KPNB1: variants seen among roughly 807,000 people sequenced by gnomAD.
The protein encoded by KPNB1 is importin subunit beta-1.
In KPNB1, 7 loss-of-function variants were observed where a neutral mutation model predicts 113.0. The observed-to-expected ratio is 0.06, with a 90% CI of 0.04 to 0.12. KPNB1 has a LOEUF of 0.12. Among genes scored for constraint, KPNB1 ranks in the 10% least tolerant of loss-of-function variants. The pLI is 1.00. For missense variants in KPNB1, 400 were observed against 1,054.8 expected (o/e 0.38, Z 8.60); for synonymous variants, 363 against 378.6 (o/e 0.96, Z 0.48).
rs1207695889 is a variant in KPNB1, at chr17:47,683,699, T to TCA, written c.*1296_*1297dup. ...TGCGGTATTGGTCTCTTGCTGCACT[T>TCA]CAAAAGCAACCAACAAAACAAAAAC... On this transcript the variant is annotated 3_prime_UTR_variant, in exon 22 of 22. Coordinates refer to ENST00000290158, the MANE Select transcript of KPNB1 (RefSeq NM_002265.6). The TCA allele has an allele frequency of 7.2e-6, 1 of 139,848 alleles. No homozygotes were observed. Among genetic ancestry groups the TCA allele is most frequent in the Non-Finnish European group, 1.5e-5 (1 of 65,414 alleles). The allele number at this position is 139,848 out of a possible 1,614,324, so 8.7% of individuals were successfully genotyped here. A position where few individuals can be genotyped will look rare whatever the true frequency, so the allele number is the denominator to read the frequency against.
chr17:47,667,660 C>G (rs904614976), intron 9 of KPNB1, among the ~76,000 whole-genome samples: 1 of 151,136 alleles, frequency 6.6e-6, no homozygotes, highest in Non-Finnish European at 1.5e-5. Context: ...CAGGTTCAAG[C>G]AATTCTCCTG....
At chr17:47,674,486 G>T in intron 14 of KPNB1, 152 bp from the exon 15 acceptor site, 1 of 680,182 alleles carries the variant, frequency 1.5e-6, no homozygotes, top group Non-Finnish European at 2.5e-6. Context: ...GCTGATGATT[G>T]GTACTGTCAA....
In KPNB1 at chr17:47,650,169, C is replaced by T. The variant is rs1915489400; in HGVS notation, c.-76C>T. 2 of 1,465,844 alleles carry T rather than the reference C, an allele frequency of 1.4e-6. No homozygotes were observed. The highest frequency in any genetic ancestry group is 1.5e-5 in the African/African-American group (1 of 66,974). The allele number at this position is 1,465,844 out of a possible 1,614,324, so 90.8% of individuals were successfully genotyped here. On this transcript the variant is annotated 5_prime_UTR_variant, in exon 1 of 22. Coordinates refer to ENST00000290158, the MANE Select transcript of KPNB1 (RefSeq NM_002265.6). ...CCCTTCCCACCCGACCCCCAACCCC[C>T]ATCCCCAGTTCGAGCCGCCGCCCGA...
In KPNB1 at chr17:47,650,138, CACCCTCCCTTCCCACCCG is replaced by C. The variant is rs1299649312; in HGVS notation, c.-102_-85del. On this transcript the variant is annotated 5_prime_UTR_variant, in exon 1 of 22. Transcript: ENST00000290158. ...TTGTGGTGACCCCCGCCCCCCACCCCACCCTCCCTTCCCACCCGACCCCCAACCCCCATCCCCAGTTCG... is the reference window on the plus strand; with the variant it reads ...TTGTGGTGACCCCCGCCCCCCACCCCACCCCCAACCCCCATCCCCAGTTCG... 1.3e-6 allele frequency: 1 copy of C among 754,712 alleles called. No homozygotes were observed. The highest frequency in any genetic ancestry group is 2.0e-5 in the African/African-American group (1 of 50,536). 46.8% of individuals were successfully genotyped at this position (754,712 alleles called of 1,614,324 possible). A position where few individuals can be genotyped will look rare whatever the true frequency, so the allele number is the denominator to read the frequency against.
Position 47,680,780 on chromosome 17 carries a change from C to T in KPNB1, c.2630+111C>T, listed in dbSNP as rs1269419032. 6.2e-6 allele frequency: 7 copies of T among 1,130,690 alleles called. No homozygotes were observed. The Admixed American group carries it at 1.7e-4, about 27-fold the overall frequency. 70.0% of individuals were successfully genotyped at this position (1,130,690 alleles called of 1,614,324 possible). On this transcript the variant is annotated intron_variant, in intron 21 of 21. Coordinates refer to ENST00000290158, the MANE Select transcript of KPNB1 (RefSeq NM_002265.6). Reference sequence around the variant, plus strand: ...CCTTCTGGCATTTTTTTTGTTTGTACTTTTTCCCATGTAGGTGCTTCTGAG... The same window carrying T: ...CCTTCTGGCATTTTTTTTGTTTGTATTTTTTCCCATGTAGGTGCTTCTGAG...
intron 5 of KPNB1, among the ~76,000 whole-genome samples, chr17:47,660,089 CTG>C (rs1324949319): frequency 5.3e-5 from 8 of 152,294 alleles, no homozygotes; most frequent in South Asian, 2.1e-4. Context: ...AAAACTGAAA[CTG>C]TACATACTGA....
intron 4 of KPNB1, 45 bp downstream of exon 4, chr17:47,657,105 C>T (rs765402365): frequency 2.0e-6 from 3 of 1,507,332 alleles, no homozygotes; most frequent in African/African-American, 2.7e-5. Context: ...CTCTGATTGC[C>T]TCTAGCTGTG....
At chr17:47,674,608 A>G in intron 14 of KPNB1, 30 bp from the exon 15 acceptor site, 1 of 1,599,410 alleles carries the variant, frequency 6.3e-7, no homozygotes. Context: ...TTTGGAATCA[A>G]CTGATCTTGA....
intron 21 of KPNB1, among the ~76,000 whole-genome samples, chr17:47,681,783 C>T (rs1465854159): frequency 1.5e-5 from 2 of 134,578 alleles, no homozygotes; most frequent in Admixed American, 8.9e-5. Flanking sequence ...CCACCTTTGT[C>T]GGTCTCCCAG....
rs1915508412 is a variant in KPNB1, at chr17:47,650,485, TC to T, written c.99+45del. 4 of 1,572,250 alleles carry T rather than the reference TC, an allele frequency of 2.5e-6. No homozygotes were observed. The African/African-American group carries it at 4.1e-5, about 16-fold the overall frequency. On this transcript the variant is annotated intron_variant, in intron 2 of 21. Transcript: ENST00000290158. ...CCGCGCCCATCCCGCCGCGTCCCCATCCCCTGCGTGCGGGGCCTTCCCGCCC... is the reference window on the plus strand; with the variant it reads ...CCGCGCCCATCCCGCCGCGTCCCCATCCCTGCGTGCGGGGCCTTCCCGCCC...
chr17:47,675,364 TTTTTTTTGTTTTTTTTTTTTGTTTG>T (rs1195137353), intron 15 of KPNB1, among the ~76,000 whole-genome samples: 3 of 113,262 alleles, frequency 2.6e-5, no homozygotes, highest in African/African-American at 7.9e-5. Flanking sequence ...AGGTGTTGTT[TTTTTTTTGTTTTTTTTTTTTGTTTG>T]TTTTTTTTTT....
intron 20 of KPNB1, 92 bp downstream of exon 20, chr17:47,680,226 G>A: frequency 1.1e-6 from 1 of 936,096 alleles, no homozygotes; most frequent in Non-Finnish European, 1.7e-6. Context: ...ATCGCGGATG[G>A]CAACAGTTCA....
intron 3 of KPNB1, 71 bp from the exon 4 acceptor site, chr17:47,656,785 ATAAG>A (rs1320666019): frequency 1.2e-5 from 17 of 1,393,746 alleles, no homozygotes; most frequent in Non-Finnish European, 1.7e-5. Flanking sequence ...AGACACTAAT[ATAAG>A]TATGGTGGTG....
chr17:47,671,492 T>C (rs1034207762), intron 12 of KPNB1, among the ~76,000 whole-genome samples: 3 of 152,080 alleles, frequency 2.0e-5, no homozygotes, highest in African/African-American at 7.2e-5. Context: ...TGAATTTGAT[T>C]GCCACACCAA....
chr17:47,666,704 C>T (rs960447600), intron 9 of KPNB1, among the ~76,000 whole-genome samples: 6 of 150,810 alleles, frequency 4.0e-5, no homozygotes, highest in Non-Finnish European at 5.9e-5. Flanking sequence ...CTGTAGCCTC[C>T]GCCTCCTGGG....
chr17:47,676,890 A>C, intron 16 of KPNB1, 130 bp from the exon 17 acceptor site: 1 of 650,916 alleles, frequency 1.5e-6, no homozygotes, highest in African/African-American at 1.8e-5. Flanking sequence ...TGGTTGTTGA[A>C]AAATTAATCT....
intron 18 of KPNB1, 41 bp from the exon 19 acceptor site, chr17:47,678,267 G>A: frequency 6.2e-7 from 1 of 1,608,706 alleles, no homozygotes; most frequent in Non-Finnish European, 8.5e-7. Context: ...GCAGCTAAAA[G>A]TGATCAGTGT....
chr17:47,675,392 T>TG lies in KPNB1; in HGVS notation c.1912+610_1912+611insG. ...TTTTTGTTTTTTTTTTTTGTTTGTT[T>TG]TTTTTTTGAGACTTGTTCTGTTGCC... On this transcript the variant is annotated intron_variant, in intron 15 of 21. Coordinates refer to ENST00000290158, the MANE Select transcript of KPNB1 (RefSeq NM_002265.6). 1.5e-5 allele frequency among the ~76,000 whole-genome samples: 2 copies of TG among 131,170 alleles called. 1 individual carries two copies. The highest frequency in any genetic ancestry group is 4.8e-4 in the South Asian group (2 of 4,168). The allele number at this position is 131,170 out of a possible 152,430, so 86.1% of individuals were successfully genotyped here. A position where few individuals can be genotyped will look rare whatever the true frequency, so the allele number is the denominator to read the frequency against.
At chr17:47,660,993 G>A (rs1448124607) in intron 5 of KPNB1, 126 bp from the exon 6 acceptor site, 1 of 712,880 alleles carries the variant, frequency 1.4e-6, no homozygotes, top group African/African-American at 1.8e-5. Context: ...TGGCTTGATT[G>A]TACCAGGCAG....
Sources: gnomAD v4.1 joint callset for allele counts (sites outside exome capture counted in the v4.1 genomes callset) on GRCh38, gnomAD v4.1.1 for gene constraint, MANE v1.5 for transcripts, NCBI Gene and HGNC (gene_info 2026-07-23, HGNC 2026-07-21) for gene names.